The following C10orf143 variants were observed in gnomAD, a reference collection of about 807,000 sequenced individuals.
The protein encoded by C10orf143 is uncharacterized protein C10orf143.
At chr10:130,106,364 G>A (rs752139887) in intron 1 of C10orf143, 21 of 1,601,766 alleles carry the variant, frequency 1.3e-5, no homozygotes, top group Non-Finnish European at 1.8e-5. Flanking sequence ...TGAAGACTAT[G>A]AAGTAGCGTC....
chr10:130,066,811 G>T (rs747230798), intron 3 of C10orf143: 3 of 152,120 alleles, frequency 2.0e-5, no homozygotes, highest in African/African-American at 4.8e-5. Context: ...CAGACTCTGG[G>T]ACTCACAGAT....
At chr10:130,100,696 A>G (rs1054543480) in intron 1 of C10orf143, among the ~76,000 whole-genome samples, 2 of 152,260 alleles carry the variant, frequency 1.3e-5, no homozygotes, top group Non-Finnish European at 2.9e-5. Context: ...TCTGGGATTA[A>G]AAATGCACTG....
chr10:130,095,033 G>C (rs963431923), intron 1 of C10orf143, among the ~76,000 whole-genome samples: 2 of 152,132 alleles, frequency 1.3e-5, no homozygotes, highest in African/African-American at 4.8e-5. Flanking sequence ...CAAAGTCTCA[G>C]GATACAAAAT....
chr10:130,048,600 C>T (rs371137955), intron 3 of C10orf143, among the ~76,000 whole-genome samples: 1 of 152,202 alleles, frequency 6.6e-6, no homozygotes, highest in African/African-American at 2.4e-5. Flanking sequence ...CACTTTTAGG[C>T]TCCAAGGGCC....
intron 3 of C10orf143, among the ~76,000 whole-genome samples, chr10:130,050,740 A>C (rs1000088158): frequency 6.6e-6 from 1 of 152,214 alleles, no homozygotes; most frequent in Non-Finnish European, 1.5e-5. Context: ...CTATTTAAGA[A>C]ATTATTCTAA....
At chr10:130,099,180 T>C (rs949854852) in intron 1 of C10orf143, among the ~76,000 whole-genome samples, 7 of 152,166 alleles carry the variant, frequency 4.6e-5, no homozygotes, top group African/African-American at 1.7e-4. Context: ...TGAATTATCA[T>C]TGATCAATTT....
Position 130,038,939 on chromosome 10 carries a change from G to A in C10orf143, c.298-2969C>T, listed in dbSNP as rs890205817. Among the ~76,000 whole-genome samples the A allele has an allele frequency of 5.3e-5, 8 of 152,186 alleles. No individual in the cohort carries two copies. In the East Asian group the frequency reaches 7.7e-4, roughly 15 times the overall value. On this transcript the variant is annotated intron_variant and NMD_transcript_variant, in intron 3 of 5. Transcript: ENST00000643056. The stretch of plus-strand genomic sequence containing the variant: ...GAGTGCTGCACTGGGCAGGGAGGAC[G>A]CAGGGAGGGGCTTGACTGATAATGT...
At chr10:130,051,054 T>G (rs1322777756) in intron 3 of C10orf143, among the ~76,000 whole-genome samples, 1 of 152,180 alleles carries the variant, frequency 6.6e-6, no homozygotes, top group East Asian at 1.9e-4. Flanking sequence ...ACTTGCCATT[T>G]ATTCAAGGTT....
chr10:130,107,262 T>A (rs771764582), intron 1 of C10orf143: 47 of 1,204,378 alleles, frequency 3.9e-5, no homozygotes, highest in Non-Finnish European at 5.6e-5. Context: ...AATAGCCGGT[T>A]AGAGAAAGAA....
intron 3 of C10orf143, among the ~76,000 whole-genome samples, chr10:130,049,491 G>A (rs554149523): frequency 2.0e-5 from 3 of 152,186 alleles, no homozygotes; most frequent in South Asian, 2.1e-4. Context: ...CAGCCAGATC[G>A]CCTCCACCTG....
intron 3 of C10orf143, among the ~76,000 whole-genome samples, chr10:130,036,997 CAG>C (rs2134718363): frequency 6.6e-6 from 1 of 152,308 alleles, no homozygotes; most frequent in Admixed American, 6.5e-5. Context: ...CAGCAGGTGA[CAG>C]TGTGCACTAT....
intron 3 of C10orf143, among the ~76,000 whole-genome samples, chr10:130,048,479 G>C (rs1040736419): frequency 1.3e-5 from 2 of 152,122 alleles, no homozygotes; most frequent in Admixed American, 6.5e-5. Flanking sequence ...AGTACCCTCT[G>C]CTGGGACACC....
chr10:130,076,348 G>A (rs1416966576), intron 3 of C10orf143, among the ~76,000 whole-genome samples: 2 of 152,138 alleles, frequency 1.3e-5, no homozygotes, highest in East Asian at 1.9e-4. Flanking sequence ...AATGCCTCAC[G>A]TTGGCTGGAT....
chr10:130,038,236 G>T (rs987040061), intron 3 of C10orf143, among the ~76,000 whole-genome samples: 19 of 152,224 alleles, frequency 1.2e-4, no homozygotes, highest in African/African-American at 4.1e-4. Context: ...GCCTGAGAGA[G>T]AGGGCCAGCC....
intron 3 of C10orf143, among the ~76,000 whole-genome samples, chr10:130,071,242 T>C (rs1861028155): frequency 6.6e-6 from 1 of 152,210 alleles, no homozygotes; most frequent in African/African-American, 2.4e-5. Context: ...CCTAGGACCA[T>C]ATCTTCTAGC....
chr10:130,052,826 T>A (rs1167001933), intron 3 of C10orf143, among the ~76,000 whole-genome samples: 3 of 152,226 alleles, frequency 2.0e-5, no homozygotes, highest in Non-Finnish European at 4.4e-5. Flanking sequence ...CATTTGAAAA[T>A]TCTTGCATTC....
intron 3 of C10orf143, among the ~76,000 whole-genome samples, chr10:130,074,797 A>C (rs1861088914): frequency 6.6e-6 from 1 of 152,228 alleles, no homozygotes; most frequent in East Asian, 1.9e-4. Context: ...ATCCATTTAG[A>C]ATCAGAATAA....
At chr10:130,068,439 C>T (rs1257768556) in intron 3 of C10orf143, 1 of 151,692 alleles carries the variant, frequency 6.6e-6, no homozygotes, top group African/African-American at 2.4e-5. Context: ...AGGTGAAACC[C>T]CATCTCTACT....
At position 130,102,230 on chromosome 10, in the gene C10orf143, G is replaced by C. The variant is rs1329050363; in HGVS notation, c.69+8474C>G. ...GGGAAATTTGTTTTCTGCTGTTTTT[G>C]AGTGAAGAGTTCTATAAATTCCAAG... On this transcript the variant is annotated intron_variant, in intron 1 of 3. Coordinates refer to ENST00000637128, the MANE Select transcript of C10orf143 (RefSeq NM_001355042.2). Among the ~76,000 whole-genome samples, 3 of 152,126 alleles carry C rather than the reference G, an allele frequency of 2.0e-5. No individual in the cohort carries two copies. In the South Asian group the frequency reaches 6.2e-4, roughly 31 times the overall value.
Sources: gnomAD v4.1 joint callset for allele counts (sites outside exome capture counted in the v4.1 genomes callset) on GRCh38, gnomAD v4.1.1 for gene constraint, MANE v1.5 for transcripts, NCBI Gene and HGNC (gene_info 2026-07-23, HGNC 2026-07-21) for gene names.